The following COA6 variants were observed in gnomAD, a reference collection of about 807,000 sequenced individuals.
COA6 encodes the protein cytochrome c oxidase assembly factor 6, also known as cytochrome c oxidase assembly factor 6 homolog.
A neutral mutation model predicts 17.1 loss-of-function variants in COA6; 12 were observed. The observed-to-expected ratio is 0.70, with a 90% CI of 0.45 to 1.14. COA6 has a LOEUF of 1.14. COA6 is among the 50% of genes most tolerant of loss of function. The pLI is 0.00. For synonymous variants in COA6, 90 were observed against 73.4 expected, an observed-to-expected ratio of 1.23 and a Z score of -1.16; for missense variants, 246 against 196.5, an observed-to-expected ratio of 1.25 and a Z score of -1.51.
In COA6 at chr1:234,380,176, C is replaced by G. The variant is rs923449108; in HGVS notation, c.373-3547C>G. On this transcript the variant is annotated intron_variant, in intron 2 of 2. Transcript: ENST00000366615. ...TCTTTGCTCCCTGTTCACCTGTGCTCTCTTTTCAAGTATTACCTTGTCAAA... is the reference window on the plus strand; with the variant it reads ...TCTTTGCTCCCTGTTCACCTGTGCTGTCTTTTCAAGTATTACCTTGTCAAA... Among the ~76,000 whole-genome samples the G allele has an allele frequency of 2.0e-5, 3 of 152,196 alleles. No individual in the cohort carries two copies. The East Asian group carries it at 5.8e-4, about 29-fold the overall frequency.
chr1:234,383,509 C>T (rs1372832505), intron 2 of COA6, among the ~76,000 whole-genome samples: 2 of 150,418 alleles, frequency 1.3e-5, no homozygotes, highest in Admixed American at 6.7e-5. Context: ...ACGTTGTGCA[C>T]GTGTACCCTA....
intron 2 of COA6, among the ~76,000 whole-genome samples, chr1:234,376,303 T>C (rs1658790173): frequency 6.6e-6 from 1 of 152,162 alleles, no homozygotes; most frequent in South Asian, 2.1e-4. Context: ...AAAGGGTTTT[T>C]ACAACCAGCC....
In COA6 at chr1:234,383,929, C is replaced by A; in HGVS notation, c.*111C>A. On this transcript the variant is annotated 3_prime_UTR_variant, in exon 3 of 3. Coordinates refer to ENST00000366615, the MANE Select transcript of COA6 (RefSeq NM_001206641.3). ...AACATCAATACTTGTTCCCTATATA[C>A]GACACTTGATAATTAAGATGATCAA... is the stretch of plus-strand genomic sequence containing the variant. 2 of 507,746 alleles carry A rather than the reference C, an allele frequency of 3.9e-6. No homozygotes were observed. The highest frequency in any genetic ancestry group is 1.9e-5 in the African/African-American group (1 of 51,522). The allele number at this position is 507,746 out of a possible 1,614,324, so 31.5% of individuals were successfully genotyped here.
intron 1 of COA6, 28 bp downstream of exon 1, chr1:234,373,706 G>A (rs370830000): frequency 4.0e-5 from 64 of 1,613,488 alleles, no homozygotes; most frequent in Non-Finnish European, 5.4e-5. Context: ...TCCGGGTGGG[G>A]CGCGCGTGGA....
At position 234,373,562 on chromosome 1, in the gene COA6, G is replaced by C. The variant is rs748039998; in HGVS notation, c.96G>C (p.Ala32=). The part of the protein sequence containing the change: ...GRSTLLELEP[A]GRPCSGRTRH... ...CTACGCTTCTAGAGCTTGAGCCAGC[G>C]GGGCGACCCTGCAGTGGCAGGACTC... The change falls in exon 1 of 3, where the codon GCG becomes GCC. Residue 32 remains alanine, a synonymous_variant. Transcript: ENST00000366615. The C allele has an allele frequency of 1.2e-6, 2 of 1,612,034 alleles. No homozygotes were observed. The highest frequency in any genetic ancestry group is 3.3e-5 in the Admixed American group (2 of 59,946).
intron 2 of COA6, among the ~76,000 whole-genome samples, chr1:234,377,861 C>A (rs1658853396): frequency 6.6e-6 from 1 of 152,176 alleles, no homozygotes. Flanking sequence ...CTCACCTGTC[C>A]AGATGCAGGC....
At chr1:234,380,610 A>G (rs1174274756) in intron 2 of COA6, among the ~76,000 whole-genome samples, 1 of 152,222 alleles carries the variant, frequency 6.6e-6, no homozygotes, top group Non-Finnish European at 1.5e-5. Context: ...GCTTATTACA[A>G]AATAAATATG....
In COA6 at chr1:234,374,041, T is replaced by G. The variant is rs918505757; in HGVS notation, c.213-189T>G. 7.9e-6 allele frequency: 7 copies of G among 880,968 alleles called. No homozygotes were observed. The East Asian group carries it at 1.9e-4, about 23-fold the overall frequency. 54.6% of individuals were successfully genotyped at this position (880,968 alleles called of 1,614,324 possible). A position where few individuals can be genotyped will look rare whatever the true frequency, so the allele number is the denominator to read the frequency against. Reference sequence around the variant, plus strand: ...TAAGCCTCAAGAGCGGGTGGCCTTATGCTGCCACTGAGAACTGATTGGGTT... The same window carrying G: ...TAAGCCTCAAGAGCGGGTGGCCTTAGGCTGCCACTGAGAACTGATTGGGTT... On this transcript the variant is annotated intron_variant, in intron 1 of 2. Transcript: ENST00000366615.
chr1:234,373,819 C>G, intron 1 of COA6, 141 bp downstream of exon 1: 1 of 1,613,652 alleles, frequency 6.2e-7, no homozygotes, highest in Non-Finnish European at 8.5e-7. Flanking sequence ...GGCCCCCACA[C>G]ACCTGTTTCT....
intron 2 of COA6, among the ~76,000 whole-genome samples, chr1:234,383,387 G>T (rs1312009677): frequency 1.4e-5 from 2 of 146,422 alleles, no homozygotes; most frequent in East Asian, 4.2e-4. Context: ...CCTGTTGTGG[G>T]GTGGGGGGAG....
chr1:234,383,310 G>A (rs1253070863), intron 2 of COA6, among the ~76,000 whole-genome samples: 4 of 144,998 alleles, frequency 2.8e-5, no homozygotes, highest in East Asian at 4.3e-4. Flanking sequence ...TTCATCAAAT[G>A]CCTCAATTCA....
In COA6 at chr1:234,374,221, G is replaced by A; in HGVS notation, c.213-9G>A. The A allele has an allele frequency of 6.3e-7, 1 of 1,594,424 alleles. No individual in the cohort carries two copies. The highest frequency in any genetic ancestry group is 1.8e-5 in the Admixed American group (1 of 56,694). ...CATTGTTAATCTCAAATATTATTTT[G>A]GCCAACAGCTTCATCGCAGTAGGAA... On this transcript the variant is annotated splice_polypyrimidine_tract_variant and intron_variant, in intron 1 of 2. Coordinates refer to ENST00000366615, the MANE Select transcript of COA6 (RefSeq NM_001206641.3).
chr1:234,385,060 T>TAAA lies in COA6; in HGVS notation c.*1243_*1245dup, dbSNP rs1659086905. 6.6e-6 allele frequency among the ~76,000 whole-genome samples: 1 copy of TAAA among 152,226 alleles called. No individual in the cohort carries two copies. The highest frequency in any genetic ancestry group is 2.4e-5 in the African/African-American group (1 of 41,462). ...AATACTTTTTATTACTAAAAAATGC[T>TAAA]AAAGATTCTCTGAGTCTTCAGCGAG... On this transcript the variant is annotated 3_prime_UTR_variant, in exon 3 of 3. Coordinates refer to ENST00000366615, the MANE Select transcript of COA6 (RefSeq NM_001206641.3).
chr1:234,374,105 T>C, intron 1 of COA6, 125 bp from the exon 2 acceptor site: 1 of 1,066,764 alleles, frequency 9.4e-7, no homozygotes. Context: ...GGTTTTGTTT[T>C]GTTTTTGTTT....
At chr1:234,374,023 C>T in intron 1 of COA6, 1 of 943,152 alleles carries the variant, frequency 1.1e-6, no homozygotes, top group Non-Finnish European at 1.5e-6. Context: ...AGATAAGCCT[C>T]AAGAGCGGGT....
intron 2 of COA6, among the ~76,000 whole-genome samples, chr1:234,378,739 G>T (rs6664462): frequency 0.29 from 43,776 of 152,022 alleles, 7,081 homozygotes; most frequent in East Asian, 0.39. Flanking sequence ...TGGGTGTGAT[G>T]GTGGGCACCT....
chr1:234,376,162 A>G (rs1402608998), intron 2 of COA6, among the ~76,000 whole-genome samples: 1 of 151,994 alleles, frequency 6.6e-6, no homozygotes, highest in African/African-American at 2.4e-5. Context: ...ATTGAGAGGA[A>G]CTCCAGGTTT....
chr1:234,381,403 A>G lies in COA6; in HGVS notation c.373-2320A>G, dbSNP rs149965931. Among the ~76,000 whole-genome samples, 602 of 152,340 alleles carry G rather than the reference A, an allele frequency of 4.0e-3. 6 individuals are homozygous for G. Among genetic ancestry groups the G allele is most frequent in the African/African-American group, 0.014 (568 of 41,572 alleles). ...ATGTGGTAATATGCAAAGGCATGGA[A>G]TCAAGACGCGCAGGAAATGAGCATG... On this transcript the variant is annotated intron_variant, in intron 2 of 2. Coordinates refer to ENST00000366615, the MANE Select transcript of COA6 (RefSeq NM_001206641.3).
chr1:234,373,539 A>C lies in COA6; in HGVS notation c.73A>C (p.Thr25Pro). The change falls in exon 1 of 3, where the codon ACG (threonine) becomes CCG (proline). Residue 25 changes from threonine (T) to proline (P), a missense_variant. By Grantham distance (38) the Thr-to-Pro change is conservative (BLOSUM62 -1). Transcript: ENST00000366615. ...VSCFLRLGRSTLLELEPAGRP... is the reference protein window; with the variant it reads ...VSCFLRLGRSPLLELEPAGRP... ...TTGCTTTTTGCGGCTGGGGAGGTCT[A>C]CGCTTCTAGAGCTTGAGCCAGCGGG... The C allele has an allele frequency of 6.2e-7, 1 of 1,610,626 alleles. No individual in the cohort carries two copies. The highest frequency in any genetic ancestry group is 8.5e-7 in the Non-Finnish European group (1 of 1,178,692).
Sources: allele counts gnomAD v4.1 joint callset (sites outside exome capture counted in the v4.1 genomes callset), GRCh38; gene constraint gnomAD v4.1.1; transcripts MANE v1.5; gene names NCBI Gene and HGNC (gene_info 2026-07-23, HGNC 2026-07-21).